The following CNTN6 variants were observed in gnomAD, a reference collection of about 807,000 sequenced individuals.
CNTN6 encodes the protein contactin-6.
CNTN6 carries 137 observed loss-of-function variants against 122.8 expected under a neutral mutation model. That is an observed-to-expected ratio of 1.12 (90% CI 0.97 to 1.29). CNTN6 has a LOEUF of 1.29. Among genes scored for constraint, CNTN6 ranks in the 50% most tolerant of loss-of-function variants. The pLI, the probability that CNTN6 is intolerant of heterozygous loss-of-function variation, is 0.00. For synonymous variants in CNTN6, 570 were observed against 426.0 expected (o/e 1.34, Z -4.16); for missense variants, 1,634 against 1,223.4 (o/e 1.34, Z -5.01).
At chr3:1,278,320 C>T in intron 4 of CNTN6, 93 bp from the exon 5 acceptor site, 1 of 840,802 alleles carries the variant, frequency 1.2e-6, no homozygotes, top group Non-Finnish European at 1.8e-6. Context: ...AGATTAATTC[C>T]CCTTAATAAT....
chr3:1,239,447 T>G (rs2094457144), intron 4 of CNTN6, among the ~76,000 whole-genome samples: 1 of 139,940 alleles, frequency 7.1e-6, no homozygotes, highest in Non-Finnish European at 1.6e-5. Context: ...AAACAAACAC[T>G]TAGGAATATA....
intron 1 of CNTN6, among the ~76,000 whole-genome samples, chr3:1,116,698 C>CTTTTTTTTTTTTTTTTTTTTTTTT (rs10594022): frequency 2.8e-5 from 2 of 71,748 alleles, no homozygotes; most frequent in Non-Finnish European, 2.7e-5. Flanking sequence ...GTCATCAAAT[C>CTTTTTTTTTTTTTTTTTTTTTTTT]TTTTTTTTTT....
At chr3:1,291,016 G>C (rs1695229566) in intron 5 of CNTN6, among the ~76,000 whole-genome samples, 1 of 152,088 alleles carries the variant, frequency 6.6e-6, no homozygotes, top group African/African-American at 2.4e-5. Context: ...ATTTTACACA[G>C]CCCGTATTCA....
chr3:1,134,453 C>T (rs1270992647), intron 1 of CNTN6, among the ~76,000 whole-genome samples: 1 of 152,078 alleles, frequency 6.6e-6, no homozygotes. Context: ...ACTTTTTCTT[C>T]CCTCTAAATG....
chr3:1,161,772 AC>A (rs2093138817), intron 2 of CNTN6, among the ~76,000 whole-genome samples: 1 of 123,952 alleles, frequency 8.1e-6, no homozygotes, highest in African/African-American at 3.6e-5. Flanking sequence ...ATATGTATAC[AC>A]ACACACACAC....
rs113900636 is a variant in CNTN6 at position 1,155,035 on chromosome 3, A to G, written c.55+6972A>G. On this transcript the variant is annotated intron_variant, in intron 2 of 22. Coordinates refer to ENST00000446702, the MANE Select transcript of CNTN6 (RefSeq NM_001289080.2). ...GCTCTTTCCATTATACCCATCTCCAATCAGTCACCTCCATAGTCTGACGTT... is the reference window on the plus strand; with the variant it reads ...GCTCTTTCCATTATACCCATCTCCAGTCAGTCACCTCCATAGTCTGACGTT... 2.2e-3 allele frequency among the ~76,000 whole-genome samples: 335 copies of G among 152,190 alleles called. 3 individuals are homozygous for G. In the Middle Eastern group the frequency reaches 0.024, roughly 11 times the overall value.
At chr3:1,273,621 C>G (rs1395853890) in intron 4 of CNTN6, among the ~76,000 whole-genome samples, 1 of 152,146 alleles carries the variant, frequency 6.6e-6, no homozygotes, top group African/African-American at 2.4e-5. Flanking sequence ...TATATCTTGT[C>G]TATGATCTGT....
rs767338074 is a variant in CNTN6, at chr3:1,325,957, C to G, written c.1083+6C>G. 2.5e-6 allele frequency: 4 copies of G among 1,605,032 alleles called. No individual in the cohort carries two copies. The African/African-American group carries it at 5.4e-5, about 22-fold the overall frequency. On this transcript the variant is annotated splice_donor_region_variant and intron_variant, in intron 9 of 22. Coordinates refer to ENST00000446702, the MANE Select transcript of CNTN6 (RefSeq NM_001289080.2). Reference sequence around the variant, plus strand: ...GTGAACGACTCAACCCAGAGGTAAGCAACTATGTTGATATTAAAAGTTTAC... The same window carrying G: ...GTGAACGACTCAACCCAGAGGTAAGGAACTATGTTGATATTAAAAGTTTAC...
intron 4 of CNTN6, among the ~76,000 whole-genome samples, chr3:1,269,671 T>C (rs954978791): frequency 3.3e-5 from 5 of 152,196 alleles, no homozygotes; most frequent in East Asian, 1.9e-4. Flanking sequence ...AATTACCTAA[T>C]TGATATTTCA....
chr3:1,228,311 G>C (rs1175167396), intron 4 of CNTN6, among the ~76,000 whole-genome samples: 1 of 151,848 alleles, frequency 6.6e-6, no homozygotes, highest in African/African-American at 2.4e-5. Context: ...TTTTTCTTTT[G>C]CATTGGATAT....
At chr3:1,314,180 A>T (rs146640355) in intron 7 of CNTN6, among the ~76,000 whole-genome samples, 90 of 152,204 alleles carry the variant, frequency 5.9e-4, no homozygotes, top group Middle Eastern at 6.8e-3. Flanking sequence ...ATTTATCCAT[A>T]TTGTATTGCC....
intron 6 of CNTN6, 152 bp from the exon 7 acceptor site, chr3:1,297,737 G>T: frequency 3.8e-6 from 2 of 530,208 alleles, no homozygotes; most frequent in Non-Finnish European, 6.5e-6. Context: ...TGAAAACACA[G>T]AAGCATTTTA....
intron 1 of CNTN6, among the ~76,000 whole-genome samples, chr3:1,104,398 A>G (rs1387999821): frequency 6.6e-6 from 1 of 152,182 alleles, no homozygotes; most frequent in Admixed American, 6.5e-5. Context: ...TAACAAAAAT[A>G]GGATCTCACA....
intron 1 of CNTN6, among the ~76,000 whole-genome samples, chr3:1,094,296 A>G (rs1166117592): frequency 6.6e-6 from 1 of 152,208 alleles, no homozygotes; most frequent in East Asian, 1.9e-4. Flanking sequence ...ATGTGTAAAC[A>G]TACGCATGTT....
chr3:1,370,626 G>C (rs1175580666), intron 12 of CNTN6, among the ~76,000 whole-genome samples: 2 of 152,074 alleles, frequency 1.3e-5, no homozygotes, highest in African/African-American at 4.8e-5. Flanking sequence ...AAGTCAGGTG[G>C]ATCACTTGAT....
At chr3:1,394,838 T>A (rs1203422675) in intron 20 of CNTN6, among the ~76,000 whole-genome samples, 1 of 152,136 alleles carries the variant, frequency 6.6e-6, no homozygotes, top group African/African-American at 2.4e-5. Context: ...GTATGATCAA[T>A]TTGTCAAAGA....
intron 4 of CNTN6, among the ~76,000 whole-genome samples, chr3:1,234,796 T>C (rs924676362): frequency 2.0e-5 from 3 of 152,216 alleles, no homozygotes; most frequent in African/African-American, 7.2e-5. Context: ...TCAGTATCAT[T>C]TGCAAATAGC....
At chr3:1,300,561 G>GAA (rs1697132445) in intron 7 of CNTN6, among the ~76,000 whole-genome samples, 1 of 23,646 alleles carries the variant, frequency 4.2e-5, no homozygotes, top group South Asian at 1.6e-3. Flanking sequence ...GAAAGAAAAA[G>GAA]AAAGAAAGAA....
At chr3:1,130,389 G>A (rs768487298) in intron 1 of CNTN6, among the ~76,000 whole-genome samples, 9 of 152,130 alleles carry the variant, frequency 5.9e-5, no homozygotes, top group Admixed American at 1.3e-4. Flanking sequence ...CCTAGGAAGC[G>A]TGCTTTCCTC....
Sources: gnomAD v4.1 joint callset for allele counts (sites outside exome capture counted in the v4.1 genomes callset) on GRCh38, gnomAD v4.1.1 for gene constraint, MANE v1.5 for transcripts, NCBI Gene and HGNC (gene_info 2026-07-23, HGNC 2026-07-21) for gene names.